The following NR6A1 variants were observed in gnomAD, a reference collection of about 807,000 sequenced individuals.
NR6A1 encodes the protein retinoic acid receptor-related testis-associated receptor.
Under a neutral mutation model 59.1 loss-of-function variants are expected in NR6A1, and 7 were observed. The ratio of observed to expected loss-of-function variants is 0.12; its 90% CI spans 0.07 to 0.22. NR6A1 has a LOEUF of 0.22. Ranked by LOEUF, NR6A1 falls within the 10% of genes least tolerant of loss-of-function variation. NR6A1 has a pLI of 1.00. For synonymous variants in NR6A1, 243 were observed against 236.1 expected, an observed-to-expected ratio of 1.03 and a Z score of -0.27; for missense variants, 468 against 611.6, an observed-to-expected ratio of 0.77 and a Z score of 2.48.
At chr9:124,749,904 C>T (rs1191897145) in intron 1 of NR6A1, among the ~76,000 whole-genome samples, 1 of 152,212 alleles carries the variant, frequency 6.6e-6, no homozygotes. Flanking sequence ...TACTTCCCCA[C>T]AGCTCAACTG....
intron 2 of NR6A1, among the ~76,000 whole-genome samples, chr9:124,654,212 TAA>T (rs1459349170): frequency 5.3e-5 from 8 of 152,162 alleles, no homozygotes. Flanking sequence ...GAACCCCAGT[TAA>T]AGATAGTGTC....
intron 2 of NR6A1, chr9:124,598,953 T>C (rs781220567): frequency 1.4e-6 from 1 of 710,496 alleles, no homozygotes; most frequent in Non-Finnish European, 2.6e-6. Context: ...GCATGGTCAT[T>C]ACCCACGTTG....
At chr9:124,554,691 A>C in intron 2 of NR6A1, 121 bp from the exon 3 acceptor site, 8 of 1,273,734 alleles carry the variant, frequency 6.3e-6, no homozygotes, top group Non-Finnish European at 8.8e-6. Flanking sequence ...AAGGGCAAAC[A>C]GGGGGCCCAT....
chr9:124,562,605 G>C (rs1344666975), intron 2 of NR6A1, among the ~76,000 whole-genome samples: 1 of 151,884 alleles, frequency 6.6e-6, no homozygotes, highest in Non-Finnish European at 1.5e-5. Flanking sequence ...AGAGTTTTTT[G>C]TTTTTAAGTC....
At chr9:124,619,196 T>C (rs1835988534) in intron 2 of NR6A1, among the ~76,000 whole-genome samples, 1 of 152,256 alleles carries the variant, frequency 6.6e-6, no homozygotes, top group Middle Eastern at 3.4e-3. Context: ...AATCATATCA[T>C]GGAACAATCT....
chr9:124,640,466 C>T (rs142173971), intron 2 of NR6A1, among the ~76,000 whole-genome samples: 1 of 152,056 alleles, frequency 6.6e-6, no homozygotes, highest in Non-Finnish European at 1.5e-5. Context: ...GTGGAGTGAT[C>T]GTAGCTCACT....
chr9:124,749,873 A>G (rs1420086183), intron 1 of NR6A1, among the ~76,000 whole-genome samples: 1 of 152,368 alleles, frequency 6.6e-6, no homozygotes, highest in Admixed American at 6.5e-5. Context: ...TAGCACAAAC[A>G]TAAGGTTAGA....
intron 2 of NR6A1, among the ~76,000 whole-genome samples, chr9:124,639,940 A>C (rs577356681): frequency 2.0e-5 from 3 of 152,276 alleles, no homozygotes; most frequent in Non-Finnish European, 2.9e-5. Flanking sequence ...GGGCTGTACA[A>C]AACACCCTGT....
chr9:124,633,127 G>A (rs970121826), intron 2 of NR6A1, among the ~76,000 whole-genome samples: 9 of 152,208 alleles, frequency 5.9e-5, no homozygotes, highest in Admixed American at 1.3e-4. Flanking sequence ...ACTTCAGGCC[G>A]GGCGCAGTGG....
intron 1 of NR6A1, among the ~76,000 whole-genome samples, chr9:124,747,187 CTTTTTT>C (rs35429356): frequency 3.3e-5 from 4 of 122,518 alleles, no homozygotes; most frequent in African/African-American, 1.2e-4. Flanking sequence ...CCTTGTCTGA[CTTTTTT>C]TTTTTTTTTT....
chr9:124,552,818 C>T (rs192544722), intron 3 of NR6A1, among the ~76,000 whole-genome samples: 1 of 152,104 alleles, frequency 6.6e-6, no homozygotes, highest in Non-Finnish European at 1.5e-5. Context: ...TATAAACCAC[C>T]TAAATTTATC....
At chr9:124,761,117 C>G (rs1035419260) in intron 1 of NR6A1, among the ~76,000 whole-genome samples, 1 of 152,196 alleles carries the variant, frequency 6.6e-6, no homozygotes, top group Non-Finnish European at 1.5e-5. Flanking sequence ...GTAATTAAAG[C>G]AATTTAACTC....
intron 2 of NR6A1, among the ~76,000 whole-genome samples, chr9:124,676,902 C>T (rs566624215): frequency 6.6e-6 from 1 of 152,246 alleles, no homozygotes; most frequent in East Asian, 1.9e-4. Context: ...CAATCATATA[C>T]TTAACAGAGC....
chr9:124,523,951 T>C (rs1832861376), intron 9 of NR6A1, among the ~76,000 whole-genome samples: 1 of 152,078 alleles, frequency 6.6e-6, no homozygotes, highest in Admixed American at 6.6e-5. Flanking sequence ...CTTTACCACA[T>C]GAAGCAAGGC....
rs577454927 is a variant in NR6A1, at chr9:124,695,621, C to G, written c.142+37687G>C. Among the ~76,000 whole-genome samples the G allele has an allele frequency of 1.1e-4, 16 of 152,220 alleles. No homozygotes were observed. In the South Asian group the frequency reaches 2.9e-3, roughly 28 times the overall value. On this transcript the variant is annotated intron_variant, in intron 2 of 9. Coordinates refer to ENST00000487099, the MANE Select transcript of NR6A1 (RefSeq NM_033334.4). The stretch of plus-strand genomic sequence containing the variant: ...CTGACCTCAAGTGATCCGCCCGCCT[C>G]GGCCGCCCAAATTGCTGGGATTATA...
At chr9:124,678,205 G>C (rs1159982170) in intron 2 of NR6A1, among the ~76,000 whole-genome samples, 1 of 152,086 alleles carries the variant, frequency 6.6e-6, no homozygotes, top group African/African-American at 2.4e-5. Context: ...ATGCTCCCAT[G>C]CCTAGAGGCT....
chr9:124,534,133 C>A (rs972603738), intron 7 of NR6A1, among the ~76,000 whole-genome samples: 1 of 148,358 alleles, frequency 6.7e-6, no homozygotes, highest in Non-Finnish European at 1.5e-5. Context: ...AGTGCAATGG[C>A]ACAATCTCAG....
chr9:124,569,506 G>A (rs910360140), intron 2 of NR6A1, among the ~76,000 whole-genome samples: 7 of 152,144 alleles, frequency 4.6e-5, no homozygotes, highest in South Asian at 2.1e-4. Context: ...ACAGCCACTC[G>A]CTTGACCAAA....
chr9:124,713,210 A>C (rs1216674194), intron 2 of NR6A1, among the ~76,000 whole-genome samples: 2 of 152,210 alleles, frequency 1.3e-5, no homozygotes, highest in Non-Finnish European at 2.9e-5. Context: ...TGAGAAAAAA[A>C]TGAAGCTGGC....
Sources: gnomAD v4.1 joint callset for allele counts (sites outside exome capture counted in the v4.1 genomes callset) on GRCh38, gnomAD v4.1.1 for gene constraint, MANE v1.5 for transcripts, NCBI Gene and HGNC (gene_info 2026-07-23, HGNC 2026-07-21) for gene names.